ZNF407: variants seen among roughly 807,000 people sequenced by gnomAD.
The protein encoded by ZNF407 is zinc finger protein 407.
ZNF407 carries 17 observed loss-of-function variants against 131.2 expected under a neutral mutation model. The ratio of observed to expected loss-of-function variants is 0.13; its 90% CI spans 0.09 to 0.19. The LOEUF is 0.19. ZNF407 is among the 10% of genes least tolerant of loss of function. ZNF407 has a pLI of 1.00. For missense variants in ZNF407, 2,681 were observed against 2,830.6 expected, an observed-to-expected ratio of 0.95 and a Z score of 1.20; for synonymous variants, 1,156 against 1,062.0, an observed-to-expected ratio of 1.09 and a Z score of -1.72.
intron 4 of ZNF407, among the ~76,000 whole-genome samples, chr18:74,809,142 G>A (rs959003789): frequency 2.0e-5 from 3 of 152,034 alleles, no homozygotes; most frequent in South Asian, 2.1e-4. Flanking sequence ...TCTTAGATCC[G>A]GCATGCATCT....
chr18:74,807,847 C>T (rs977890913), intron 4 of ZNF407, among the ~76,000 whole-genome samples: 4 of 152,108 alleles, frequency 2.6e-5, no homozygotes, highest in South Asian at 4.1e-4. Flanking sequence ...TACATACTCA[C>T]GGACACATAC....
At chr18:74,968,128 A>G (rs903121569) in intron 8 of ZNF407, among the ~76,000 whole-genome samples, 1 of 152,116 alleles carries the variant, frequency 6.6e-6, no homozygotes, top group African/African-American at 2.4e-5. Context: ...GTCATCATAA[A>G]GGCTGGGGTG....
At position 74,662,032 on chromosome 18, in the gene ZNF407, A is replaced by C. The variant is rs72967630; in HGVS notation, c.4802+20910A>C. Among the ~76,000 whole-genome samples the C allele has an allele frequency of 8.3e-3, 1,256 of 152,134 alleles. 9 individuals are homozygous for C. The highest frequency in any genetic ancestry group is 0.014 in the Non-Finnish European group (984 of 68,012). ...ATGCGGTGTCTGTGCTTAAATCATA[A>C]AGATGGGATTTTTTTTTTTTTTTGG... is the stretch of plus-strand genomic sequence containing the variant. On this transcript the variant is annotated intron_variant, in intron 3 of 8. Coordinates refer to ENST00000299687, the MANE Select transcript of ZNF407 (RefSeq NM_017757.3).
At chr18:74,728,094 A>G (rs1968202941) in intron 3 of ZNF407, among the ~76,000 whole-genome samples, 1 of 152,164 alleles carries the variant, frequency 6.6e-6, no homozygotes, top group Admixed American at 6.5e-5. Flanking sequence ...AAGGCTATAT[A>G]TTCTTCTAAT....
intron 8 of ZNF407, among the ~76,000 whole-genome samples, chr18:74,995,755 A>T (rs1490061840): frequency 6.6e-6 from 1 of 152,136 alleles, no homozygotes; most frequent in Non-Finnish European, 1.5e-5. Context: ...CTCTGAGGCT[A>T]CCATTTCTTG....
Position 74,634,030 on chromosome 18 carries a change from A to G in ZNF407, c.3011A>G (p.Asp1004Gly), listed in dbSNP as rs1984292000. 1.2e-6 allele frequency: 2 copies of G among 1,614,024 alleles called. No individual in the cohort carries two copies. Among genetic ancestry groups the G allele is most frequent in the Non-Finnish European group, 1.7e-6 (2 of 1,179,898 alleles). The change falls in exon 2 of 9, where the codon GAT becomes GGT. Residue 1004 changes from aspartate to glycine, a missense_variant. Asp to Gly is a moderately conservative substitution (Grantham distance 94). This residue lies in a region of ZNF407 where 1,789 missense variants were observed against 1,748.7 expected (regional missense o/e 1.02). Transcript: ENST00000299687. The part of the protein sequence containing the change: ...SEPEDFAQPG[D>G]VYSQRDVTGT... ...CCAGAGGACTTCGCCCAGCCGGGGG[A>G]TGTGTACTCCCAGAGAGATGTTACA...
intron 8 of ZNF407, among the ~76,000 whole-genome samples, chr18:75,000,712 T>G (rs1174354100): frequency 6.6e-6 from 1 of 152,244 alleles, no homozygotes; most frequent in Non-Finnish European, 1.5e-5. Context: ...TTATATATTT[T>G]ATTAATGCAA....
intron 8 of ZNF407, among the ~76,000 whole-genome samples, chr18:74,937,283 T>C (rs1160461694): frequency 6.6e-6 from 1 of 152,228 alleles, no homozygotes; most frequent in East Asian, 1.9e-4. Flanking sequence ...CAATCACTAT[T>C]TGCCAGATAT....
At chr18:74,622,735 TCTGTGA>T (rs1345115260) in intron 1 of ZNF407, among the ~76,000 whole-genome samples, 4 of 5,094 alleles carry the variant, frequency 7.9e-4, no homozygotes, top group Non-Finnish European at 2.2e-3. Flanking sequence ...GTGGTGTGTG[TCTGTGA>T]GTGTGTGTGT....
At chr18:75,016,213 C>G (rs1357616242) in intron 8 of ZNF407, among the ~76,000 whole-genome samples, 1 of 152,082 alleles carries the variant, frequency 6.6e-6, no homozygotes, top group African/African-American at 2.4e-5. Context: ...AGCTAGCACA[C>G]TATTCTGTGA....
At chr18:75,049,054 C>T (rs1007681980) in intron 8 of ZNF407, among the ~76,000 whole-genome samples, 3 of 113,926 alleles carry the variant, frequency 2.6e-5, no homozygotes, top group Non-Finnish European at 3.3e-5. Context: ...ATGGCCACCT[C>T]GTTGTTTTTC....
At chr18:74,994,249 A>T (rs1187263954) in intron 8 of ZNF407, among the ~76,000 whole-genome samples, 2 of 152,182 alleles carry the variant, frequency 1.3e-5, no homozygotes, top group Non-Finnish European at 2.9e-5. Context: ...CATAAAAAAA[A>T]AATGTGTATA....
At chr18:75,001,499 A>G (rs1445227503) in intron 8 of ZNF407, among the ~76,000 whole-genome samples, 2 of 152,186 alleles carry the variant, frequency 1.3e-5, no homozygotes, top group Admixed American at 6.5e-5. Flanking sequence ...GTTAAGTGAA[A>G]ATGAAAAATG....
At chr18:75,062,965 T>C in intron 8 of ZNF407, 185 bp from the exon 9 acceptor site, 1 of 558,450 alleles carries the variant, frequency 1.8e-6, no homozygotes, top group Non-Finnish European at 3.2e-6. Context: ...GCCTAGAGCC[T>C]GCCTGCAGAT....
chr18:74,903,160 T>G (rs138698549), intron 7 of ZNF407, among the ~76,000 whole-genome samples: 1 of 152,320 alleles, frequency 6.6e-6, no homozygotes, highest in African/African-American at 2.4e-5. Context: ...CTTTTTCCCT[T>G]AGACATTATT....
intron 3 of ZNF407, among the ~76,000 whole-genome samples, chr18:74,649,912 C>T (rs1486439196): frequency 6.6e-6 from 1 of 151,962 alleles, no homozygotes; most frequent in Non-Finnish European, 1.5e-5. Context: ...ACTCTAGTTT[C>T]AGTAACCAAC....
At chr18:74,682,608 C>A (rs978210079) in intron 3 of ZNF407, among the ~76,000 whole-genome samples, 1 of 152,154 alleles carries the variant, frequency 6.6e-6, no homozygotes, top group Non-Finnish European at 1.5e-5. Context: ...CAGCTTACTG[C>A]AACTGAGAAT....
Position 74,833,064 on chromosome 18 carries a change from T to G in ZNF407, c.4878-44133T>G, listed in dbSNP as rs888561090. 1.6e-4 allele frequency among the ~76,000 whole-genome samples: 25 copies of G among 152,198 alleles called. 1 individual carries two copies. The highest frequency in any genetic ancestry group is 5.3e-4 in the African/African-American group (22 of 41,430). On this transcript the variant is annotated intron_variant, in intron 4 of 8. Transcript: ENST00000299687. Reference sequence around the variant, plus strand: ...TATTTGCTGTTCCCTCAGGATAGTTTGGGCATTTTAGAGCCACAAGTAGCA... The same window carrying G: ...TATTTGCTGTTCCCTCAGGATAGTTGGGGCATTTTAGAGCCACAAGTAGCA...
At chr18:74,911,029 C>T (rs1971663135) in intron 7 of ZNF407, among the ~76,000 whole-genome samples, 1 of 152,156 alleles carries the variant, frequency 6.6e-6, no homozygotes, top group Non-Finnish European at 1.5e-5. Context: ...TGTATAATTA[C>T]TTTACACACA....
Sources: gnomAD v4.1 joint callset for allele counts (sites outside exome capture counted in the v4.1 genomes callset) on GRCh38, gnomAD v4.1.1 for gene constraint, gnomAD v4.1.1 regional missense constraint, MANE v1.5 for transcripts, NCBI Gene and HGNC (gene_info 2026-07-23, HGNC 2026-07-21) for gene names.